VAT1L: variants seen among roughly 807,000 people sequenced by gnomAD.
VAT1L encodes vesicle amine transport 1 like.
VAT1L carries 34 observed loss-of-function variants against 44.1 expected under a neutral mutation model. That is an observed-to-expected ratio of 0.77 (90% CI 0.59 to 1.03). The LOEUF (loss-of-function observed/expected upper bound fraction) is 1.03. Ranked by LOEUF, VAT1L falls within the 50% of genes least tolerant of loss-of-function variation. The probability of loss-of-function intolerance (pLI) is 0.00; values close to 1 mark genes in which losing one functional copy is unlikely to be tolerated. For synonymous variants in VAT1L, 253 were observed against 202.2 expected (o/e 1.25, Z -2.13); for missense variants, 615 against 538.8 (o/e 1.14, Z -1.40).
chr16:77,831,700 G>T (rs910700555), intron 3 of VAT1L, among the ~76,000 whole-genome samples: 4 of 152,136 alleles, frequency 2.6e-5, no homozygotes, highest in Non-Finnish European at 5.9e-5. Flanking sequence ...CACAAAATGT[G>T]GTTTCCTGGA....
At chr16:77,856,010 G>T (rs558321732) in intron 3 of VAT1L, among the ~76,000 whole-genome samples, 1 of 151,652 alleles carries the variant, frequency 6.6e-6, no homozygotes, top group Non-Finnish European at 1.5e-5. Flanking sequence ...GGAAGACTCC[G>T]TCAAAACAAA....
chr16:77,837,342 A>G (rs2016650591), intron 3 of VAT1L, among the ~76,000 whole-genome samples: 1 of 152,198 alleles, frequency 6.6e-6, no homozygotes, highest in East Asian at 1.9e-4. Context: ...ATTAAACCCC[A>G]GGCTCCCATG....
At chr16:77,814,585 A>G (rs1238168860) in intron 1 of VAT1L, among the ~76,000 whole-genome samples, 1 of 152,228 alleles carries the variant, frequency 6.6e-6, no homozygotes, top group Non-Finnish European at 1.5e-5. Context: ...GTTTGCAGAA[A>G]TGGCAACAAA....
At chr16:77,964,269 T>C (rs1197951475) in intron 7 of VAT1L, among the ~76,000 whole-genome samples, 2 of 152,190 alleles carry the variant, frequency 1.3e-5, no homozygotes, top group Non-Finnish European at 2.9e-5. Context: ...ACAAATGTAG[T>C]GGCTTAAATA....
At chr16:77,858,600 G>A (rs373293788) in intron 3 of VAT1L, among the ~76,000 whole-genome samples, 3 of 152,284 alleles carry the variant, frequency 2.0e-5, no homozygotes, top group South Asian at 4.1e-4. Flanking sequence ...GTGCCAATAC[G>A]TTGCTCAGCT....
chr16:77,830,563 G>C (rs973195288), intron 3 of VAT1L, among the ~76,000 whole-genome samples: 1 of 152,174 alleles, frequency 6.6e-6, no homozygotes, highest in African/African-American at 2.4e-5. Context: ...TTATAAAGGG[G>C]AGTTCACCTG....
chr16:77,799,545 GT>G (rs1361435420), intron 1 of VAT1L, among the ~76,000 whole-genome samples: 14 of 90,100 alleles, frequency 1.6e-4, no homozygotes, highest in African/African-American at 4.0e-4. Flanking sequence ...GTGTGTGTGT[GT>G]GTGTGTGTGT....
intron 7 of VAT1L, among the ~76,000 whole-genome samples, chr16:77,894,952 G>C (rs1349447140): frequency 6.6e-6 from 1 of 152,072 alleles, no homozygotes; most frequent in Non-Finnish European, 1.5e-5. Flanking sequence ...CATTCTCCCA[G>C]TTTTCAGATG....
At chr16:77,931,930 C>A (rs1240315276) in intron 7 of VAT1L, among the ~76,000 whole-genome samples, 1 of 152,056 alleles carries the variant, frequency 6.6e-6, no homozygotes, top group Non-Finnish European at 1.5e-5. Context: ...TGTATCTTTA[C>A]TGCTATGTTT....
intron 3 of VAT1L, among the ~76,000 whole-genome samples, chr16:77,845,171 C>T (rs1052289390): frequency 2.0e-5 from 3 of 151,156 alleles, no homozygotes; most frequent in Non-Finnish European, 4.4e-5. Flanking sequence ...TATCCCCATC[C>T]CTGAGGTCGG....
At position 77,945,797 on chromosome 16, in the gene VAT1L, C is replaced by CTT. The variant is rs58436423; in HGVS notation, c.1078-26040_1078-26039dup. The stretch of plus-strand genomic sequence containing the variant: ...TGTTTTGTTTTCTTTAGTGGCTTGA[C>CTT]TTTTTTTTTTTTTTCTTTTTTTTGA... On this transcript the variant is annotated intron_variant, in intron 7 of 8. Coordinates refer to ENST00000302536, the MANE Select transcript of VAT1L (RefSeq NM_020927.3). 1.7e-3 allele frequency among the ~76,000 whole-genome samples: 237 copies of CTT among 141,102 alleles called. 1 individual carries two copies. The highest frequency in any genetic ancestry group is 2.3e-3 in the African/African-American group (90 of 38,348). The allele number at this position is 141,102 out of a possible 152,430, so 92.6% of individuals were successfully genotyped here. A position where few individuals can be genotyped will look rare whatever the true frequency, so the allele number is the denominator to read the frequency against.
chr16:77,968,713 T>G lies in VAT1L; in HGVS notation c.1078-3137T>G, dbSNP rs374750570. ...GCACTCCAGCGTGGGCAACAGAGAC[T>G]CCATCTCAAACAAACAAACAAACAA... On this transcript the variant is annotated intron_variant, in intron 7 of 8. Transcript: ENST00000302536. Among the ~76,000 whole-genome samples the G allele has an allele frequency of 9.9e-3, 596 of 60,140 alleles. 6 individuals carry two copies. Among genetic ancestry groups the G allele is most frequent in the African/African-American group, 0.032 (582 of 17,990 alleles). The allele number at this position is 60,140 out of a possible 152,430, so 39.5% of individuals were successfully genotyped here.
At chr16:77,874,839 TAAAAAAA>T (rs769810512) in intron 4 of VAT1L, among the ~76,000 whole-genome samples, 1,228 of 87,720 alleles carry the variant, frequency 0.014, 16 homozygotes, top group African/African-American at 0.047. Flanking sequence ...AATTAATTTG[TAAAAAAA>T]AAAAAAAAAA....
chr16:77,978,500 G>A lies in VAT1L; in HGVS notation c.*805G>A, dbSNP rs945699062. 3 of 152,196 alleles carry A rather than the reference G, an allele frequency of 2.0e-5. No individual in the cohort carries two copies. Among genetic ancestry groups the A allele is most frequent in the African/African-American group, 4.8e-5 (2 of 41,452 alleles). The allele number at this position is 152,196 out of a possible 1,614,324, so 9.4% of individuals were successfully genotyped here. A position where few individuals can be genotyped will look rare whatever the true frequency, so the allele number is the denominator to read the frequency against. ...CAAGACACATTCAGAAGTCATTCCT[G>A]AGCATTGCTGGTGTTTGCACACTTG... On this transcript the variant is annotated 3_prime_UTR_variant, in exon 9 of 9. Transcript: ENST00000302536.
intron 7 of VAT1L, chr16:77,892,890 C>T (rs1388549388): frequency 1.6e-5 from 18 of 1,092,316 alleles, no homozygotes; most frequent in Non-Finnish European, 2.5e-5. Flanking sequence ...AAGAAGGTCA[C>T]CATTGCTGAC....
chr16:77,913,473 A>G (rs932203091), intron 7 of VAT1L, among the ~76,000 whole-genome samples: 1 of 150,830 alleles, frequency 6.6e-6, no homozygotes, highest in Non-Finnish European at 1.5e-5. Flanking sequence ...ACAAAGTTAA[A>G]TCCAGTGATC....
chr16:77,902,392 T>C (rs892308279), intron 7 of VAT1L, among the ~76,000 whole-genome samples: 2 of 152,238 alleles, frequency 1.3e-5, no homozygotes, highest in African/African-American at 4.8e-5. Context: ...CCAAGGCATT[T>C]GATGAAATTC....
intron 7 of VAT1L, among the ~76,000 whole-genome samples, chr16:77,920,311 A>T (rs1185322034): frequency 6.6e-6 from 1 of 152,152 alleles, no homozygotes; most frequent in Non-Finnish European, 1.5e-5. Context: ...AAGGTGGAGG[A>T]AACTGATAGA....
In VAT1L at chr16:77,884,941, T is replaced by G; in HGVS notation, c.1077+139T>G. ...AAATGAGGGTCCTAAAAGTCACCTG[T>G]ACCACAGAATAGTACTTTGGATATA... On this transcript the variant is annotated intron_variant, in intron 7 of 8. Transcript: ENST00000302536. The surrounding 1 kb of genome is among the most constrained non-coding windows in gnomAD (Gnocchi z 4.5). The G allele has an allele frequency of 1.2e-6, 1 of 851,298 alleles. No homozygotes were observed. The highest frequency in any genetic ancestry group is 2.2e-5 in the South Asian group (1 of 45,152). The allele number at this position is 851,298 out of a possible 1,614,324, so 52.7% of individuals were successfully genotyped here.
Sources: allele counts gnomAD v4.1 joint callset (sites outside exome capture counted in the v4.1 genomes callset), GRCh38; gene constraint gnomAD v4.1.1; non-coding constraint Gnocchi (gnomAD v3.1); transcripts MANE v1.5; gene names NCBI Gene and HGNC (gene_info 2026-07-23, HGNC 2026-07-21).